The following TACC2 variants were observed in gnomAD, a reference collection of about 807,000 sequenced individuals.
TACC2 encodes transforming acidic coiled-coil-containing protein 2.
In TACC2, 137 loss-of-function variants were observed where a neutral mutation model predicts 227.3. The observed-to-expected ratio is 0.60, with a 90% CI of 0.52 to 0.69. TACC2 has a LOEUF of 0.69. Ranked by LOEUF, TACC2 falls within the 30% of genes least tolerant of loss-of-function variation. The pLI is 0.00. For missense variants in TACC2, 3,470 were observed against 3,694.4 expected (o/e 0.94, Z 1.57); for synonymous variants, 1,523 against 1,487.5 (o/e 1.02, Z -0.55).
At chr10:122,071,517 C>T (rs532222093) in intron 3 of TACC2, among the ~76,000 whole-genome samples, 3 of 152,086 alleles carry the variant, frequency 2.0e-5, no homozygotes, top group East Asian at 1.9e-4. Context: ...GTCCCCATCC[C>T]CACACTATGC....
At chr10:122,067,583 T>A (rs1275429455) in intron 3 of TACC2, among the ~76,000 whole-genome samples, 10 of 149,730 alleles carry the variant, frequency 6.7e-5, no homozygotes, top group Non-Finnish European at 1.2e-4. Flanking sequence ...CTTGGCTCAC[T>A]GCAACCTCCG....
chr10:122,217,527 C>G (rs1163572615), intron 11 of TACC2, among the ~76,000 whole-genome samples: 1 of 146,112 alleles, frequency 6.8e-6, no homozygotes, highest in African/African-American at 2.5e-5. Flanking sequence ...CAACCTCTGC[C>G]TCCTGGGTTC....
At chr10:122,166,368 T>C (rs2093163441) in intron 7 of TACC2, among the ~76,000 whole-genome samples, 6 of 152,214 alleles carry the variant, frequency 3.9e-5, no homozygotes, top group Admixed American at 3.3e-4. Flanking sequence ...GGGCAGCTTT[T>C]GTAGCTCCAG....
Position 122,210,854 on chromosome 10 carries a change from A to T in TACC2, c.6429A>T (p.Lys2143Asn), listed in dbSNP as rs765090078. 1 of 1,612,604 alleles carries T rather than the reference A, an allele frequency of 6.2e-7. No individual in the cohort carries two copies. Among genetic ancestry groups the T allele is most frequent in the East Asian group, 2.2e-5 (1 of 44,852 alleles). ...TAAAAAAGAAACAGACCACCAAGAA[A>T]CCCACAGAGACCCCCCCAGTGAAGG... ...PSLKKKQTTKKPTETPPVKET... is the reference protein window; with the variant it reads ...PSLKKKQTTKNPTETPPVKET... Residue 2143 changes from lysine (K) to asparagine (N), a missense_variant, in exon 9 of 23, where the codon AAA (lysine) becomes AAT (asparagine). Lys to Asn is a moderately conservative substitution (Grantham distance 94, BLOSUM62 0). This residue lies in a region of TACC2 where 593 missense variants were observed against 636.6 expected (regional missense o/e 0.93). Transcript: ENST00000369005. The surrounding 1 kb of genome is among the most constrained non-coding windows in gnomAD (Gnocchi z 4.6).
At chr10:122,145,678 A>G (rs551306142) in intron 7 of TACC2, among the ~76,000 whole-genome samples, 1 of 152,318 alleles carries the variant, frequency 6.6e-6, no homozygotes, top group South Asian at 2.1e-4. Context: ...GGGCTAGAGT[A>G]GATTTTTGAT....
rs747638919 is a variant in TACC2 at position 122,082,830 on chromosome 10, C to T, written c.330C>T (p.Ser110=). 3.1e-6 allele frequency: 5 copies of T among 1,613,752 alleles called. No homozygotes were observed. Among genetic ancestry groups the T allele is most frequent in the Non-Finnish European group, 4.2e-6 (5 of 1,180,026 alleles). ...AGGAGCGAGAGCACCCCTCGTCCTC[C>T]ATGCCCTTTGCCGAGTGTCCCCCGG... ...PSQEREHPSS[S]MPFAECPPEG... The change falls in exon 4 of 23, where the codon TCC becomes TCT. Residue 110 remains serine (S), a synonymous_variant. Coordinates refer to ENST00000369005, the MANE Select transcript of TACC2 (RefSeq NM_206862.4).
Position 122,034,747 on chromosome 10 carries a change from T to C in TACC2, c.33+12733T>C, listed in dbSNP as rs528407493. The stretch of plus-strand genomic sequence containing the variant: ...GAGTTTGAGACCAGCCTGACCAACA[T>C]GGTGAAACCCCGTCTTTACTAAAAA... On this transcript the variant is annotated intron_variant, in intron 2 of 22. Transcript: ENST00000369005. Among the ~76,000 whole-genome samples the C allele has an allele frequency of 2.0e-5, 3 of 152,036 alleles. No homozygotes were observed. The South Asian group carries it at 6.2e-4, about 32-fold the overall frequency.
chr10:122,061,853 G>C (rs2136435776), intron 3 of TACC2, among the ~76,000 whole-genome samples: 1 of 152,160 alleles, frequency 6.6e-6, no homozygotes, highest in Admixed American at 6.5e-5. Flanking sequence ...GGAGAACCAG[G>C]AGAGGTCTCC....
intron 6 of TACC2, among the ~76,000 whole-genome samples, chr10:122,143,030 C>T (rs1304719851): frequency 6.6e-6 from 1 of 152,218 alleles, no homozygotes; most frequent in Non-Finnish European, 1.5e-5. Flanking sequence ...GAGGGCCACA[C>T]TCCGTCTCTG....
intron 5 of TACC2, among the ~76,000 whole-genome samples, chr10:122,116,017 T>C (rs1203428695): frequency 6.6e-6 from 1 of 152,166 alleles, no homozygotes; most frequent in Non-Finnish European, 1.5e-5. Flanking sequence ...GTTTTTTTTC[T>C]GCCTCTCCCC....
chr10:122,241,732 T>A (rs2058551086), intron 18 of TACC2: 1 of 585,172 alleles, frequency 1.7e-6, no homozygotes, highest in Non-Finnish European at 3.1e-6. Context: ...CTGGTTTGAT[T>A]TTTTTTCTTA....
At chr10:121,991,372 T>C (rs1254567157) in intron 1 of TACC2, among the ~76,000 whole-genome samples, 1 of 152,252 alleles carries the variant, frequency 6.6e-6, no homozygotes, top group Admixed American at 6.5e-5. Context: ...TTCTTTGCGC[T>C]GTCCGCCACA....
intron 3 of TACC2, among the ~76,000 whole-genome samples, chr10:122,055,351 A>G (rs1286615560): frequency 6.6e-6 from 1 of 152,210 alleles, no homozygotes; most frequent in Non-Finnish European, 1.5e-5. Flanking sequence ...CATATATTGC[A>G]TGATCAAAAA....
At position 122,005,942 on chromosome 10, in the gene TACC2, G is replaced by A. The variant is rs372882500; in HGVS notation, c.-45-15995G>A. On this transcript the variant is annotated intron_variant, in intron 1 of 22. Coordinates refer to ENST00000369005, the MANE Select transcript of TACC2 (RefSeq NM_206862.4). ...ACTCTGGACCTCAGGTGATCTGCCCGCCTCAGCCTTCCAAAGTGTTGGGAT... is the reference window on the plus strand; with the variant it reads ...ACTCTGGACCTCAGGTGATCTGCCCACCTCAGCCTTCCAAAGTGTTGGGAT... Among the ~76,000 whole-genome samples, 58 of 151,996 alleles carry A rather than the reference G, an allele frequency of 3.8e-4. No homozygotes were observed. In the East Asian group the frequency reaches 5.1e-3, roughly 13 times the overall value.
intron 2 of TACC2, among the ~76,000 whole-genome samples, chr10:122,047,238 G>A (rs1444117020): frequency 2.4e-5 from 3 of 125,558 alleles, no homozygotes; most frequent in East Asian, 2.6e-4. Context: ...GCAGCGATCC[G>A]AGATGGTGCC....
chr10:122,033,922 A>C (rs2135856468), intron 2 of TACC2, among the ~76,000 whole-genome samples: 2 of 152,132 alleles, frequency 1.3e-5, no homozygotes, highest in South Asian at 4.2e-4. Flanking sequence ...GAAGCTGAGG[A>C]GGGCAGATCA....
chr10:122,180,482 C>G lies in TACC2; in HGVS notation c.5835-14558C>G, dbSNP rs555411413. Among the ~76,000 whole-genome samples the G allele has an allele frequency of 6.1e-3, 932 of 152,006 alleles. 5 individuals carry two copies. The highest frequency in any genetic ancestry group is 0.011 in the Non-Finnish European group (737 of 67,954). On this transcript the variant is annotated intron_variant, in intron 7 of 22. Coordinates refer to ENST00000369005, the MANE Select transcript of TACC2 (RefSeq NM_206862.4). The surrounding 1 kb of genome is among the most constrained non-coding windows in gnomAD (Gnocchi z 4.5). The stretch of plus-strand genomic sequence containing the variant: ...CCTCCCGAGTAGCTGGGACTACAGG[C>G]GCCCGCCACCACACCCGGCTAATTT...
At chr10:121,996,926 A>G (rs1308036045) in intron 1 of TACC2, among the ~76,000 whole-genome samples, 1 of 152,074 alleles carries the variant, frequency 6.6e-6, no homozygotes, top group Non-Finnish European at 1.5e-5. Flanking sequence ...GGAGAAGACC[A>G]GGCTAGAACA....
chr10:122,249,516 G>T (rs750418688), intron 21 of TACC2, 28 bp from the exon 22 acceptor site: 2 of 1,610,248 alleles, frequency 1.2e-6, no homozygotes, highest in Non-Finnish European at 1.7e-6. Context: ...ACAAAAGAGT[G>T]ATAATTCTGA....
Sources: gnomAD v4.1 joint callset for allele counts (sites outside exome capture counted in the v4.1 genomes callset) on GRCh38, gnomAD v4.1.1 for gene constraint, gnomAD v4.1.1 regional missense constraint, Gnocchi (gnomAD v3.1) non-coding constraint, MANE v1.5 for transcripts, NCBI Gene and HGNC (gene_info 2026-07-23, HGNC 2026-07-21) for gene names.